TRPS1: variants seen among roughly 807,000 people sequenced by gnomAD.
TRPS1 encodes the protein transcriptional repressor GATA binding 1, also known as zinc finger transcription factor Trps1.
TRPS1 carries 6 observed loss-of-function variants against 101.2 expected under a neutral mutation model. The observed-to-expected ratio is 0.06, with a 90% CI of 0.03 to 0.12. The LOEUF (loss-of-function observed/expected upper bound fraction) is 0.12. TRPS1 is among the 10% of genes least tolerant of loss of function. TRPS1 has a pLI of 1.00. For synonymous variants in TRPS1, 578 were observed against 589.8 expected, an observed-to-expected ratio of 0.98 and a Z score of 0.29; for missense variants, 1,363 against 1,567.0, an observed-to-expected ratio of 0.87 and a Z score of 2.20.
At chr8:115,642,817 G>A (rs1164599099) in intron 1 of TRPS1, among the ~76,000 whole-genome samples, 1 of 137,712 alleles carries the variant, frequency 7.3e-6, no homozygotes, top group Non-Finnish European at 1.5e-5. Context: ...GTTTTTATCT[G>A]ATAATAAAAG....
At position 115,648,154 on chromosome 8, in the gene TRPS1, G is replaced by T. The variant is rs370277422; in HGVS notation, c.-122+20391C>A. On this transcript the variant is annotated intron_variant, in intron 1 of 6. Transcript: ENST00000395715. ...GACAAGAGGAAAGAGAGTTTATGGA[G>T]AGAGGAAGCCAAGTTGGGAAGTGGG... Among the ~76,000 whole-genome samples, 18 of 152,290 alleles carry T rather than the reference G, an allele frequency of 1.2e-4. No individual in the cohort carries two copies. The South Asian group carries it at 2.7e-3, about 23-fold the overall frequency.
At chr8:115,616,892 G>A (rs1818287507) in intron 3 of TRPS1, among the ~76,000 whole-genome samples, 1 of 152,092 alleles carries the variant, frequency 6.6e-6, no homozygotes, top group African/African-American at 2.4e-5. Context: ...AAACTTGTTG[G>A]TATAAAAGGA....
intron 5 of TRPS1, among the ~76,000 whole-genome samples, chr8:115,544,071 C>T (rs759965738): frequency 6.6e-6 from 1 of 151,436 alleles, no homozygotes; most frequent in South Asian, 2.1e-4. Flanking sequence ...ATGTAAAGAA[C>T]ATTTCAGGCT....
At chr8:115,419,360 G>T (rs1464014184) in intron 5 of TRPS1, among the ~76,000 whole-genome samples, 1 of 150,024 alleles carries the variant, frequency 6.7e-6, no homozygotes, top group African/African-American at 2.5e-5. Flanking sequence ...GCAGGAAATG[G>T]AATTCTCTTG....
intron 5 of TRPS1, among the ~76,000 whole-genome samples, chr8:115,462,538 A>G (rs1249112036): frequency 6.6e-6 from 1 of 152,146 alleles, no homozygotes; most frequent in Non-Finnish European, 1.5e-5. Flanking sequence ...CCGACACATG[A>G]GTGCAGGACA....
rs148451908 is a variant in TRPS1, at chr8:115,480,990, C to T, written c.2701-62538G>A. Among the ~76,000 whole-genome samples the T allele has an allele frequency of 4.3e-3, 652 of 152,098 alleles. 4 individuals carry two copies. Among genetic ancestry groups the T allele is most frequent in the African/African-American group, 0.015 (639 of 41,516 alleles). On this transcript the variant is annotated intron_variant, in intron 5 of 6. Coordinates refer to ENST00000395715, the MANE Select transcript of TRPS1 (RefSeq NM_014112.5). ...ATACTTTAGGAGAAAATATTAAATG[C>T]CCTTCTTTTTACCATTATAGAGAGA...
At chr8:115,606,773 C>A (rs1818046567) in intron 3 of TRPS1, among the ~76,000 whole-genome samples, 1 of 140,520 alleles carries the variant, frequency 7.1e-6, no homozygotes. Context: ...ATATATTTCC[C>A]AATTCACTGG....
intron 4 of TRPS1, among the ~76,000 whole-genome samples, chr8:115,592,876 C>A (rs1817707645): frequency 6.6e-6 from 1 of 152,174 alleles, no homozygotes; most frequent in South Asian, 2.1e-4. Flanking sequence ...CCTTGAGTAG[C>A]AAGAATCATG....
At chr8:115,583,635 T>C (rs892957845) in intron 5 of TRPS1, among the ~76,000 whole-genome samples, 2 of 152,026 alleles carry the variant, frequency 1.3e-5, no homozygotes, top group Admixed American at 1.3e-4. Flanking sequence ...TACTCAAAAA[T>C]TTTGTAGAAA....
intron 5 of TRPS1, among the ~76,000 whole-genome samples, chr8:115,500,571 C>A (rs1815291472): frequency 6.6e-6 from 1 of 152,126 alleles, no homozygotes; most frequent in Non-Finnish European, 1.5e-5. Flanking sequence ...GCCAGTTTAT[C>A]ACTTGATGTG....
At chr8:115,502,025 T>A (rs1815331443) in intron 5 of TRPS1, among the ~76,000 whole-genome samples, 1 of 152,102 alleles carries the variant, frequency 6.6e-6, no homozygotes, top group Non-Finnish European at 1.5e-5. Flanking sequence ...GTCTACCTTT[T>A]TAGCATTATA....
intron 1 of TRPS1, among the ~76,000 whole-genome samples, chr8:115,629,933 C>A (rs1818601891): frequency 6.6e-6 from 1 of 151,752 alleles, no homozygotes; most frequent in African/African-American, 2.4e-5. Context: ...CCTATCTCAC[C>A]CTTGAAAATC....
intron 5 of TRPS1, among the ~76,000 whole-genome samples, chr8:115,477,926 TATCAC>T: frequency 6.6e-6 from 1 of 152,156 alleles, no homozygotes; most frequent in Non-Finnish European, 1.5e-5. Context: ...AATCCCATGC[TATCAC>T]ATATCTCAAT....
intron 5 of TRPS1, among the ~76,000 whole-genome samples, chr8:115,463,128 A>T (rs564202636): frequency 4.1e-4 from 62 of 152,314 alleles, no homozygotes; most frequent in African/African-American, 1.4e-3. Context: ...CATTCATGAT[A>T]TTAACACTTC....
intron 5 of TRPS1, among the ~76,000 whole-genome samples, chr8:115,573,224 G>A (rs892195828): frequency 6.6e-6 from 1 of 152,136 alleles, no homozygotes; most frequent in African/African-American, 2.4e-5. Flanking sequence ...CACTAGCTGG[G>A]TGACTTTTGA....
chr8:115,418,447 A>G lies in TRPS1; in HGVS notation c.2706T>C (p.Arg902=), dbSNP rs754260940. 24 of 1,614,010 alleles carry G rather than the reference A, an allele frequency of 1.5e-5. No individual in the cohort carries two copies. Among genetic ancestry groups the G allele is most frequent in the Middle Eastern group, 1.6e-4 (1 of 6,084 alleles). Residue 902 remains arginine, a synonymous_variant, in exon 6 of 7, where the codon CGT becomes CGC. Transcript: ENST00000395715. This position sits in a 1 kb window ranked among gnomAD's most constrained non-coding sequence, Gnocchi z 4.3. ...TGGCACAAAAAACACCGGAGCCTCT[A>G]CGCCTCTGAAACAGGGGAAAAAAAC... is the stretch of plus-strand genomic sequence containing the variant. ...KDESQSLLRR[R]RGSGVFCANC...
intron 5 of TRPS1, among the ~76,000 whole-genome samples, chr8:115,449,542 C>T (rs769952768): frequency 9.9e-5 from 15 of 152,196 alleles, no homozygotes; most frequent in Non-Finnish European, 2.1e-4. Context: ...TTCAGAGCTT[C>T]TGCAACTGTC....
At chr8:115,668,106 T>C in intron 1 of TRPS1, 1 of 606,068 alleles carries the variant, frequency 1.6e-6, no homozygotes, top group East Asian at 2.8e-5. Context: ...GATTTGTTTT[T>C]CCTCCTCCCC....
intron 5 of TRPS1, among the ~76,000 whole-genome samples, chr8:115,540,256 T>G (rs1234578402): frequency 6.6e-6 from 1 of 152,184 alleles, no homozygotes; most frequent in Admixed American, 6.5e-5. Context: ...AGAAAGCTAG[T>G]GGGAAAGTAT....
Sources: allele counts gnomAD v4.1 joint callset (sites outside exome capture counted in the v4.1 genomes callset), GRCh38; gene constraint gnomAD v4.1.1; non-coding constraint Gnocchi (gnomAD v3.1); transcripts MANE v1.5; gene names NCBI Gene and HGNC (gene_info 2026-07-23, HGNC 2026-07-21).